Variants in STXBP4 observed in about 807,000 individuals in gnomAD.
STXBP4 encodes the protein syntaxin-binding protein 4.
STXBP4 carries 55 observed loss-of-function variants against 76.1 expected under a neutral mutation model. The observed-to-expected ratio is 0.72, with a 90% confidence interval of 0.58 to 0.91. The LOEUF (loss-of-function observed/expected upper bound fraction) is 0.91. Among genes scored for constraint, STXBP4 ranks in the 40% least tolerant of loss-of-function variants. The pLI, the probability that STXBP4 is intolerant of heterozygous loss-of-function variation, is 0.00. For missense variants in STXBP4, 618 were observed against 636.9 expected (o/e 0.97, Z 0.32); for synonymous variants, 201 against 220.2 (o/e 0.91, Z 0.77).
intron 12 of STXBP4, among the ~76,000 whole-genome samples, chr17:55,057,179 C>T (rs1303182738): frequency 2.6e-5 from 4 of 152,086 alleles, no homozygotes; most frequent in Non-Finnish European, 5.9e-5. Context: ...TTTCTTTTGT[C>T]TGGTTACTGA....
chr17:55,031,310 A>G, intron 9 of STXBP4, 46 bp downstream of exon 9: 2 of 1,407,720 alleles, frequency 1.4e-6, no homozygotes, highest in Non-Finnish European at 2.0e-6. Flanking sequence ...ATCATCATTC[A>G]AGAGTTATGG....
chr17:55,097,382 G>C (rs1421509745), intron 16 of STXBP4, among the ~76,000 whole-genome samples: 4 of 152,106 alleles, frequency 2.6e-5, no homozygotes, highest in African/African-American at 9.7e-5. Context: ...GCCTGTAGTT[G>C]ACCGGGCGCG....
At chr17:55,174,536 G>A (rs1045386078), downstream of STXBP4, among the ~76,000 whole-genome samples, 1 of 151,958 alleles carries the variant, frequency 6.6e-6, no homozygotes, top group East Asian at 1.9e-4. Flanking sequence ...TTTTAAACTG[G>A]GTTGTTTTCT....
downstream of STXBP4, among the ~76,000 whole-genome samples, chr17:55,176,529 A>G (rs1219714189): frequency 1.3e-5 from 2 of 152,224 alleles, no homozygotes; most frequent in Non-Finnish European, 2.9e-5. Flanking sequence ...CTCAGATGCC[A>G]AAAGGCCTCA....
At chr17:55,065,790 T>C (rs943530995) in intron 12 of STXBP4, among the ~76,000 whole-genome samples, 1 of 152,316 alleles carries the variant, frequency 6.6e-6, no homozygotes, top group East Asian at 1.9e-4. Flanking sequence ...GGGACTTCTG[T>C]TTATAAAGGA....
At chr17:55,053,209 A>T (rs2078882955) in intron 12 of STXBP4, among the ~76,000 whole-genome samples, 1 of 152,056 alleles carries the variant, frequency 6.6e-6, no homozygotes, top group Admixed American at 6.6e-5. Context: ...GTGGTTATAT[A>T]AAAGAATATC....
the STXBP4 span, among the ~76,000 whole-genome samples, chr17:55,204,696 G>T: frequency 6.6e-6 from 1 of 151,922 alleles, no homozygotes; most frequent in African/African-American, 2.4e-5. Flanking sequence ...ACTCTAATTA[G>T]TTTTTCAGGC....
At chr17:54,997,148 G>A (rs561338255) in intron 4 of STXBP4, among the ~76,000 whole-genome samples, 1 of 152,264 alleles carries the variant, frequency 6.6e-6, no homozygotes, top group Non-Finnish European at 1.5e-5. Context: ...GAATGCACTC[G>A]AATGCCAGAC....
intron 17 of STXBP4, among the ~76,000 whole-genome samples, chr17:55,144,006 C>T (rs966559910): frequency 4.2e-5 from 1 of 23,828 alleles, no homozygotes; most frequent in African/African-American, 1.7e-4. Context: ...AAGCCACCTG[C>T]ACACACACAC....
intron 16 of STXBP4, among the ~76,000 whole-genome samples, chr17:55,117,536 G>A (rs1437656478): frequency 6.6e-6 from 1 of 151,148 alleles, no homozygotes; most frequent in Non-Finnish European, 1.5e-5. Context: ...AAATAGCACA[G>A]CTCTCATTTA....
At chr17:55,000,127 T>C (rs1405824225) in intron 6 of STXBP4, 1 of 727,972 alleles carries the variant, frequency 1.4e-6, no homozygotes, top group African/African-American at 1.9e-5. Context: ...ATGTTAAGAA[T>C]GTCATATTTG....
intron 4 of STXBP4, among the ~76,000 whole-genome samples, chr17:54,997,995 C>T (rs542392603): frequency 6.6e-6 from 1 of 152,016 alleles, no homozygotes; most frequent in South Asian, 2.1e-4. Flanking sequence ...TAATCTTTTA[C>T]ACACTATTTG....
intron 16 of STXBP4, among the ~76,000 whole-genome samples, chr17:55,126,653 C>T (rs1459878803): frequency 6.6e-6 from 1 of 152,084 alleles, no homozygotes; most frequent in Non-Finnish European, 1.5e-5. Context: ...GATAGATCTC[C>T]CAACTGAAGA....
intron 8 of STXBP4, among the ~76,000 whole-genome samples, chr17:55,029,399 C>T (rs555880215): frequency 7.8e-4 from 118 of 151,078 alleles, no homozygotes; most frequent in Middle Eastern, 7.3e-3. Flanking sequence ...AACTTTTAAC[C>T]GAATATATAG....
the STXBP4 span, among the ~76,000 whole-genome samples, chr17:55,181,032 G>A: frequency 6.6e-6 from 1 of 152,176 alleles, no homozygotes; most frequent in South Asian, 2.1e-4. Context: ...GGGGAATGGA[G>A]GTGGAGACAG....
the STXBP4 span, among the ~76,000 whole-genome samples, chr17:55,210,103 C>T: frequency 6.6e-6 from 1 of 152,174 alleles, no homozygotes; most frequent in Non-Finnish European, 1.5e-5. Context: ...AGGACCGAGC[C>T]CACTGATGTA....
intron 16 of STXBP4, among the ~76,000 whole-genome samples, chr17:55,095,451 A>G (rs934122728): frequency 6.6e-6 from 1 of 152,178 alleles, no homozygotes; most frequent in Non-Finnish European, 1.5e-5. Context: ...TGGAATAGGT[A>G]TTTTCCAGAG....
chr17:55,046,712 T>C lies in STXBP4; in HGVS notation c.946-377T>C, dbSNP rs140092516. Among the ~76,000 whole-genome samples the C allele has an allele frequency of 2.8e-3, 430 of 152,054 alleles. 1 individual carries two copies. Among genetic ancestry groups the C allele is most frequent in the Middle Eastern group, 0.014 (4 of 294 alleles). On this transcript the variant is annotated intron_variant, in intron 11 of 17. Coordinates refer to ENST00000376352, the MANE Select transcript of STXBP4 (RefSeq NM_178509.6). ...AGGTGAGCCAGTCTCATATGCCCTC[T>C]TTTGTATGGTCGAAGACCTTTAATT...
intron 16 of STXBP4, among the ~76,000 whole-genome samples, chr17:55,126,729 G>A (rs2079916951): frequency 6.6e-6 from 1 of 152,208 alleles, no homozygotes; most frequent in South Asian, 2.1e-4. Context: ...TGTTGTCTCT[G>A]AAATCATTCC....
Sources: gnomAD v4.1 joint callset for allele counts (sites outside exome capture counted in the v4.1 genomes callset) on GRCh38, gnomAD v4.1.1 for gene constraint, MANE v1.5 for transcripts, NCBI Gene and HGNC (gene_info 2026-07-23, HGNC 2026-07-21) for gene names.